The following CDC42SE2 variants were observed in gnomAD, a reference collection of about 807,000 sequenced individuals.
CDC42SE2 encodes the protein CDC42 small effector 2.
In CDC42SE2, 3 loss-of-function variants were observed where a neutral mutation model predicts 11.5. The ratio of observed to expected loss-of-function variants is 0.26; its 90% CI spans 0.12 to 0.67. The LOEUF is 0.67. CDC42SE2 is among the 30% of genes least tolerant of loss of function. CDC42SE2 has a pLI of 0.80. For synonymous variants in CDC42SE2, 33 were observed against 34.8 expected, an observed-to-expected ratio of 0.95 and a Z score of 0.18; for missense variants, 82 against 106.8, an observed-to-expected ratio of 0.77 and a Z score of 1.02.
chr5:131,383,659 G>A lies in CDC42SE2; in HGVS notation c.55-1884G>A, dbSNP rs561055936. On this transcript the variant is annotated intron_variant, in intron 3 of 4. Transcript: ENST00000505065. ...ACTACTGAAAAAATCTAGAGCTGGG[G>A]TCAGCAGACTACTACTTTTACAGGC... is the stretch of plus-strand genomic sequence containing the variant. Among the ~76,000 whole-genome samples the A allele has an allele frequency of 4.6e-5, 7 of 152,266 alleles. No individual in the cohort carries two copies. In the South Asian group the frequency reaches 1.5e-3, roughly 32 times the overall value.
chr5:131,251,086 T>C lies in CDC42SE2; in HGVS notation n.108-4009T>C, dbSNP rs571102069. On this transcript the variant is annotated intron_variant and non_coding_transcript_variant, in intron 1 of 3. Transcript: ENST00000502840. The stretch of plus-strand genomic sequence containing the variant: ...TTTTTAAATGTATTTTAAAAGAATA[T>C]ATAGATACAATAAAACTATATAAAA... Among the ~76,000 whole-genome samples the C allele has an allele frequency of 6.1e-4, 93 of 152,304 alleles. 1 individual carries two copies. Among genetic ancestry groups the C allele is most frequent in the African/African-American group, 1.8e-3 (76 of 41,572 alleles).
upstream of CDC42SE2, among the ~76,000 whole-genome samples, chr5:131,241,643 C>T (rs1756541677): frequency 6.6e-6 from 1 of 152,084 alleles, no homozygotes; most frequent in Non-Finnish European, 1.5e-5. Context: ...GCCTACACCC[C>T]TTGATTCACC....
chr5:131,295,944 CA>C lies in CDC42SE2; in HGVS notation c.-454-20029del, dbSNP rs1757563389. 2.0e-5 allele frequency among the ~76,000 whole-genome samples: 3 copies of C among 152,274 alleles called. 1 individual carries two copies. The South Asian group carries it at 6.2e-4, about 32-fold the overall frequency. On this transcript the variant is annotated intron_variant, in intron 1 of 4. Transcript: ENST00000505065. ...TCATGATCTGCCTGCCTCAGCCTCCCAAAGTGCTGGGATTACAGGCGTGAGC... is the reference window on the plus strand; with the variant it reads ...TCATGATCTGCCTGCCTCAGCCTCCCAAGTGCTGGGATTACAGGCGTGAGC...
chr5:131,296,140 C>T (rs1345672362), intron 1 of CDC42SE2, among the ~76,000 whole-genome samples: 3 of 152,122 alleles, frequency 2.0e-5, no homozygotes. Context: ...AGCCTAGATA[C>T]TGAATAAGTG....
chr5:131,256,611 A>G (rs1490136483), intron 2 of CDC42SE2, among the ~76,000 whole-genome samples: 1 of 152,182 alleles, frequency 6.6e-6, no homozygotes, highest in African/African-American at 2.4e-5. Context: ...ATCTGCTCCC[A>G]AGCTCTTTCT....
chr5:131,308,758 G>T (rs960880870), intron 1 of CDC42SE2, among the ~76,000 whole-genome samples: 2 of 150,490 alleles, frequency 1.3e-5, no homozygotes, highest in African/African-American at 4.9e-5. Flanking sequence ...TCTGTTGTTG[G>T]TGTATAAGAA....
At chr5:131,218,617 A>G in the CDC42SE2 span, among the ~76,000 whole-genome samples, 2 of 136,614 alleles carry the variant, frequency 1.5e-5, no homozygotes, top group Non-Finnish European at 3.0e-5. Context: ...AACAACTCAC[A>G]TGACTAATAC....
In CDC42SE2 at chr5:131,276,274, C is replaced by T. The variant is rs557878876; in HGVS notation, c.-455+12108C>T. 1.6e-3 allele frequency among the ~76,000 whole-genome samples: 166 copies of T among 104,212 alleles called. 1 individual carries two copies. Among genetic ancestry groups the T allele is most frequent in the Admixed American group, 2.8e-3 (29 of 10,256 alleles). 68.4% of individuals were successfully genotyped at this position (104,212 alleles called of 152,430 possible). A position where few individuals can be genotyped will look rare whatever the true frequency, so the allele number is the denominator to read the frequency against. On this transcript the variant is annotated intron_variant, in intron 1 of 4. Coordinates refer to ENST00000505065, the MANE Select transcript of CDC42SE2 (RefSeq NM_001375635.1). Reference sequence around the variant, plus strand: ...CCAGTCTGGGCAACGAGGCGAAACCCCATCTACAAAAAAAAAAAAAAAATA... The same window carrying T: ...CCAGTCTGGGCAACGAGGCGAAACCTCATCTACAAAAAAAAAAAAAAAATA...
In CDC42SE2 at chr5:131,386,541, T is replaced by G. The variant is rs1483098845; in HGVS notation, c.156+897T>G. 2.0e-5 allele frequency among the ~76,000 whole-genome samples: 3 copies of G among 152,216 alleles called. No homozygotes were observed. The East Asian group carries it at 5.8e-4, about 29-fold the overall frequency. ...GGATGTGAAGAACCAGAAATAAGAT[T>G]TATTCGCTGTCTTTTAATAGAGGTT... On this transcript the variant is annotated intron_variant, in intron 4 of 4. Coordinates refer to ENST00000505065, the MANE Select transcript of CDC42SE2 (RefSeq NM_001375635.1).
At chr5:131,314,592 T>A (rs1378149206) in intron 1 of CDC42SE2, among the ~76,000 whole-genome samples, 1 of 152,126 alleles carries the variant, frequency 6.6e-6, no homozygotes, top group Non-Finnish European at 1.5e-5. Flanking sequence ...GATTTTTGAG[T>A]ATTAATCTTG....
upstream of CDC42SE2, among the ~76,000 whole-genome samples, chr5:131,240,697 A>G (rs1425898642): frequency 2.0e-5 from 3 of 152,204 alleles, no homozygotes; most frequent in Non-Finnish European, 2.9e-5. Flanking sequence ...TGGTAAAAAT[A>G]TATGTTATAT....
intron 2 of CDC42SE2, among the ~76,000 whole-genome samples, chr5:131,335,359 C>T (rs1407183379): frequency 6.6e-6 from 1 of 151,854 alleles, no homozygotes; most frequent in African/African-American, 2.4e-5. Flanking sequence ...TGTTCTTTTC[C>T]ATTTGCTGAG....
intron 2 of CDC42SE2, among the ~76,000 whole-genome samples, chr5:131,344,275 A>G (rs1758782769): frequency 6.6e-6 from 1 of 152,134 alleles, no homozygotes; most frequent in African/African-American, 2.4e-5. Flanking sequence ...GACAGATGGT[A>G]CCTGGAAAAT....
chr5:131,277,566 G>T (rs1757129719), intron 1 of CDC42SE2, among the ~76,000 whole-genome samples: 1 of 152,074 alleles, frequency 6.6e-6, no homozygotes, highest in Non-Finnish European at 1.5e-5. Flanking sequence ...ACATAATTTG[G>T]CCCTAACAGC....
At chr5:131,347,422 A>G (rs1193409719) in intron 2 of CDC42SE2, among the ~76,000 whole-genome samples, 1 of 152,206 alleles carries the variant, frequency 6.6e-6, no homozygotes, top group Non-Finnish European at 1.5e-5. Context: ...ATTACTCGAC[A>G]CATACACTCT....
chr5:131,265,811 G>A (rs1368083397), intron 1 of CDC42SE2, among the ~76,000 whole-genome samples: 1 of 152,180 alleles, frequency 6.6e-6, no homozygotes, highest in Non-Finnish European at 1.5e-5. Context: ...TAATAAGCTA[G>A]TGTTTTTATT....
intron 2 of CDC42SE2, among the ~76,000 whole-genome samples, chr5:131,258,210 T>A (rs976007569): frequency 1.3e-5 from 2 of 152,252 alleles, no homozygotes; most frequent in African/African-American, 4.8e-5. Context: ...TAGTGCCACA[T>A]CCCCTTTCTC....
At chr5:131,271,764 A>G (rs1238339852) in intron 1 of CDC42SE2, among the ~76,000 whole-genome samples, 2 of 152,122 alleles carry the variant, frequency 1.3e-5, no homozygotes, top group Non-Finnish European at 1.5e-5. Context: ...TTTGTGGTCC[A>G]CTATTATAAT....
rs890518464 is a variant in CDC42SE2, at chr5:131,379,155, A to G, written c.55-6388A>G. ...TTTCATTTACTTTGGCCACATTTGC[A>G]TAAATGATTGCTATTTTATACCCTG... On this transcript the variant is annotated intron_variant, in intron 3 of 4. Transcript: ENST00000505065. Among the ~76,000 whole-genome samples, 8 of 152,374 alleles carry G rather than the reference A, an allele frequency of 5.3e-5. No individual in the cohort carries two copies. In the East Asian group the frequency reaches 5.8e-4, roughly 11 times the overall value.
Sources: gnomAD v4.1 joint callset for allele counts (sites outside exome capture counted in the v4.1 genomes callset) on GRCh38, gnomAD v4.1.1 for gene constraint, MANE v1.5 for transcripts, NCBI Gene and HGNC (gene_info 2026-07-23, HGNC 2026-07-21) for gene names.